The following ADPRM variants were observed in gnomAD, a reference collection of about 807,000 sequenced individuals.
ADPRM encodes the protein ADP-ribose/CDP-alcohol diphosphatase, manganese dependent.
ADPRM carries 17 observed loss-of-function variants against 27.2 expected under a neutral mutation model. The observed-to-expected ratio is 0.63, with a 90% CI of 0.43 to 0.94. The LOEUF (loss-of-function observed/expected upper bound fraction) is 0.94. Among genes scored for constraint, ADPRM ranks in the 40% least tolerant of loss-of-function variants. The pLI is 0.00. For synonymous variants in ADPRM, 135 were observed against 145.3 expected, an observed-to-expected ratio of 0.93 and a Z score of 0.51; for missense variants, 337 against 412.8, an observed-to-expected ratio of 0.82 and a Z score of 1.59.
At position 10,705,358 on chromosome 17, in the gene ADPRM, A is replaced by C; in HGVS notation, c.432A>C (p.Ser144=). Residue 144 remains serine (S), a synonymous_variant, in exon 2 of 4, where the codon TCA becomes TCC. Coordinates refer to ENST00000379774, the MANE Select transcript of ADPRM (RefSeq NM_020233.5). This position sits in a 1 kb window ranked among gnomAD's most constrained non-coding sequence, Gnocchi z 5.4. ...TACATCATCCTGAGACCATGCCTTC[A>C]GAAGATTATTATGCTTATCATTTTG... is the stretch of plus-strand genomic sequence containing the variant. ...QIVHHPETMP[S]EDYYAYHFVP... The C allele has an allele frequency of 1.2e-6, 2 of 1,614,070 alleles. No individual in the cohort carries two copies. The highest frequency in any genetic ancestry group is 1.7e-6 in the Non-Finnish European group (2 of 1,180,014).
chr17:10,706,463 G>A lies in ADPRM; in HGVS notation c.627G>A (p.Gln209=), dbSNP rs764446186. ...PQGLSEPQFV[Q]FNGGFSQEQL... ...GACTTTCTGAGCCCCAGTTTGTCCA[G>A]TTTAATGGAGGATTCAGCCAAGAAC... Residue 209 remains glutamine (Q), a synonymous_variant, in exon 3 of 4, where the codon CAG becomes CAA. Coordinates refer to ENST00000379774, the MANE Select transcript of ADPRM (RefSeq NM_020233.5). The A allele has an allele frequency of 3.7e-6, 6 of 1,600,182 alleles. No homozygotes were observed. The Admixed American group carries it at 1.1e-4, about 28-fold the overall frequency.
chr17:10,702,962 G>C lies in ADPRM; in HGVS notation c.-17-1948G>C, dbSNP rs557885054. Reference sequence around the variant, plus strand: ...CACAATACATATTATCACCATAAAGGCTCTGAGTTTAAAGATAAAAACAAG... The same window carrying C: ...CACAATACATATTATCACCATAAAGCCTCTGAGTTTAAAGATAAAAACAAG... On this transcript the variant is annotated intron_variant, in intron 1 of 3. Coordinates refer to ENST00000379774, the MANE Select transcript of ADPRM (RefSeq NM_020233.5). This position sits in a 1 kb window ranked among gnomAD's most constrained non-coding sequence, Gnocchi z 4.2. 9.2e-5 allele frequency among the ~76,000 whole-genome samples: 14 copies of C among 152,182 alleles called. No homozygotes were observed. Among genetic ancestry groups the C allele is most frequent in the African/African-American group, 2.4e-4 (10 of 41,492 alleles).
At position 10,711,035 on chromosome 17, in the gene ADPRM, A is replaced by C; in HGVS notation, c.920A>C (p.Gln307Pro). The change falls in exon 4 of 4, where the codon CAA becomes CCA. Residue 307 changes from glutamine (Q) to proline (P), a missense_variant. By Grantham distance (76) the Gln-to-Pro change is moderately conservative. Coordinates refer to ENST00000379774, the MANE Select transcript of ADPRM (RefSeq NM_020233.5). ...EGVIETAPDS[Q>P]AFGTVHVYPD... ...GTTATTGAAACAGCTCCAGACAGCC[A>C]AGCCTTTGGCACAGTTCATGTCTAT... 2 of 1,614,204 alleles carry C rather than the reference A, an allele frequency of 1.2e-6. No homozygotes were observed. Among genetic ancestry groups the C allele is most frequent in the Middle Eastern group, 1.6e-4 (1 of 6,062 alleles).
intron 3 of ADPRM, among the ~76,000 whole-genome samples, chr17:10,710,189 C>G (rs908515069): frequency 1.3e-5 from 2 of 152,198 alleles, no homozygotes; most frequent in Non-Finnish European, 1.5e-5. Context: ...GCAACCTCCA[C>G]CTCCCGGGTT....
In ADPRM at chr17:10,705,058, C is replaced by T. The variant is rs1267124236; in HGVS notation, c.132C>T (p.Tyr44=). Residue 44 remains tyrosine, a synonymous_variant, in exon 2 of 4, where the codon TAC becomes TAT. Transcript: ENST00000379774. This position sits in a 1 kb window ranked among gnomAD's most constrained non-coding sequence, Gnocchi z 5.4. ...ATTTCCAAGGAACCAGGCGGCGATA[C>T]TACAGACATAGTCTTCTTCACTTAC... ...GFNFQGTRRR[Y]YRHSLLHLQG... The T allele has an allele frequency of 1.2e-6, 2 of 1,614,146 alleles. No homozygotes were observed. The highest frequency in any genetic ancestry group is 2.2e-5 in the East Asian group (1 of 44,876).
intron 3 of ADPRM, among the ~76,000 whole-genome samples, 199 bp from the exon 4 acceptor site, chr17:10,710,635 T>C (rs2074845295): frequency 6.6e-6 from 1 of 152,206 alleles, no homozygotes; most frequent in Non-Finnish European, 1.5e-5. Context: ...TGAACTGTCT[T>C]ACCCTTCTTC....
chr17:10,705,282 A>G lies in ADPRM; in HGVS notation c.356A>G (p.Glu119Gly). ...GNHEFYNFSREYLTHSKLNTK... is the reference protein window; with the variant it reads ...GNHEFYNFSRGYLTHSKLNTK... ...CATGAATTCTATAACTTCAGTAGAG[A>G]GTATTTAACACACTCTAAACTTAAC... The change falls in exon 2 of 4, where the codon GAG becomes GGG. Residue 119 changes from glutamate to glycine, a missense_variant. Glu to Gly is a moderately conservative substitution (Grantham distance 98, BLOSUM62 -2). Transcript: ENST00000379774. The surrounding 1 kb of genome is among the most constrained non-coding windows in gnomAD (Gnocchi z 5.4). 6.2e-7 allele frequency: 1 copy of G among 1,613,890 alleles called. No individual in the cohort carries two copies. The highest frequency in any genetic ancestry group is 8.5e-7 in the Non-Finnish European group (1 of 1,179,844).
chr17:10,706,268 G>GATAT (rs146938479), intron 2 of ADPRM, among the ~76,000 whole-genome samples, 170 bp from the exon 3 acceptor site: 3 of 150,232 alleles, frequency 2.0e-5, no homozygotes, highest in South Asian at 4.2e-4. Flanking sequence ...GATGCAGTGT[G>GATAT]ATATATATAT....
rs116297301 is a variant in ADPRM, at chr17:10,702,501, A to G, written c.-17-2409A>G. Among the ~76,000 whole-genome samples, 496 of 152,342 alleles carry G rather than the reference A, an allele frequency of 3.3e-3. No individual in the cohort carries two copies. Among genetic ancestry groups the G allele is most frequent in the African/African-American group, 0.011 (459 of 41,574 alleles). ...AGGGACAGGTGAATTTAGGTATTCAACTAATGTTTTCAGAAATCTCCATCT... is the reference window on the plus strand; with the variant it reads ...AGGGACAGGTGAATTTAGGTATTCAGCTAATGTTTTCAGAAATCTCCATCT... On this transcript the variant is annotated intron_variant, in intron 1 of 3. Coordinates refer to ENST00000379774, the MANE Select transcript of ADPRM (RefSeq NM_020233.5). This position sits in a 1 kb window ranked among gnomAD's most constrained non-coding sequence, Gnocchi z 4.2.
chr17:10,707,851 G>A (rs1016588722), intron 3 of ADPRM, among the ~76,000 whole-genome samples: 4 of 152,178 alleles, frequency 2.6e-5, no homozygotes, highest in African/African-American at 9.7e-5. Context: ...GGAATCCAGG[G>A]GTGCTTAAAA....
intron 1 of ADPRM, among the ~76,000 whole-genome samples, chr17:10,704,668 T>C (rs2074801905): frequency 6.6e-6 from 1 of 152,184 alleles, no homozygotes; most frequent in Non-Finnish European, 1.5e-5. Flanking sequence ...GATAGGATAG[T>C]ACCTTTTGTA....
chr17:10,699,836 T>C lies in ADPRM; in HGVS notation c.-18+2169T>C, dbSNP rs146168924. On this transcript the variant is annotated intron_variant, in intron 1 of 3. Coordinates refer to ENST00000379774, the MANE Select transcript of ADPRM (RefSeq NM_020233.5). ...CTTGCGCCACCACACCCGGCCCCAA[T>C]TTAGATATTTTTCTTGAGAGAAGCA... 7.6e-4 allele frequency among the ~76,000 whole-genome samples: 116 copies of C among 152,244 alleles called. No homozygotes were observed. The East Asian group carries it at 0.018, about 24-fold the overall frequency.
At chr17:10,697,841 T>G in intron 1 of ADPRM, 174 bp downstream of exon 1, 1 of 360,926 alleles carries the variant, frequency 2.8e-6, no homozygotes, top group Non-Finnish European at 5.1e-6. Flanking sequence ...TGGGCTTCGG[T>G]GACCACAGCT....
At chr17:10,708,938 C>T (rs948199431) in intron 3 of ADPRM, among the ~76,000 whole-genome samples, 6 of 152,136 alleles carry the variant, frequency 3.9e-5, no homozygotes, top group Non-Finnish European at 7.3e-5. Context: ...TTACTCATGG[C>T]GGTACACCTA....
At chr17:10,699,974 A>G (rs1419290587) in intron 1 of ADPRM, among the ~76,000 whole-genome samples, 6 of 152,182 alleles carry the variant, frequency 3.9e-5, no homozygotes, top group African/African-American at 1.4e-4. Flanking sequence ...ACTTTTGTGA[A>G]CTTCCCAGCA....
chr17:10,700,431 A>G (rs2074768800), intron 1 of ADPRM, among the ~76,000 whole-genome samples: 2 of 151,226 alleles, frequency 1.3e-5, no homozygotes, highest in African/African-American at 2.4e-5. Flanking sequence ...GGAGCTTGAG[A>G]CCAGCCTGGG....
chr17:10,706,449 C>T lies in ADPRM; in HGVS notation c.613C>T (p.Pro205Ser). Residue 205 changes from proline to serine, a missense_variant, in exon 3 of 4, where the codon CCC becomes TCC. By Grantham distance (74) the Pro-to-Ser change is moderately conservative. Transcript: ENST00000379774. ...TGAATTCATTTCAGGACTTTCTGAG[C>T]CCCAGTTTGTCCAGTTTAATGGAGG... ...ELNSPQGLSE[P>S]QFVQFNGGFS... 1 of 1,597,484 alleles carries T rather than the reference C, an allele frequency of 6.3e-7. No individual in the cohort carries two copies. The highest frequency in any genetic ancestry group is 2.3e-5 in the East Asian group (1 of 43,744).
intron 3 of ADPRM, among the ~76,000 whole-genome samples, chr17:10,710,141 A>G (rs1256959924): frequency 6.6e-6 from 1 of 152,176 alleles, no homozygotes; most frequent in Admixed American, 6.5e-5. Flanking sequence ...TCGCTTTGTC[A>G]CCCAGGCTGA....
intron 3 of ADPRM, among the ~76,000 whole-genome samples, chr17:10,708,828 A>G (rs1213760170): frequency 1.3e-5 from 2 of 152,236 alleles, no homozygotes; most frequent in Non-Finnish European, 2.9e-5. Flanking sequence ...ACTGAATTGC[A>G]TAGCAGAATC....
Sources: gnomAD v4.1 joint callset for allele counts (sites outside exome capture counted in the v4.1 genomes callset) on GRCh38, gnomAD v4.1.1 for gene constraint, Gnocchi (gnomAD v3.1) non-coding constraint, MANE v1.5 for transcripts, NCBI Gene and HGNC (gene_info 2026-07-23, HGNC 2026-07-21) for gene names.